Variants in ST8SIA1 observed in about 807,000 individuals in gnomAD.
ST8SIA1 encodes the protein alpha-N-acetylneuraminide alpha-2,8-sialyltransferase.
A neutral mutation model predicts 35.9 loss-of-function variants in ST8SIA1; 16 were observed. That is an observed-to-expected ratio of 0.45 (90% CI 0.30 to 0.68). ST8SIA1 has a LOEUF of 0.68. Among genes scored for constraint, ST8SIA1 ranks in the 30% least tolerant of loss-of-function variants. ST8SIA1 has a pLI of 0.09. For synonymous variants in ST8SIA1, 170 were observed against 169.6 expected, an observed-to-expected ratio of 1.00 and a Z score of -0.02; for missense variants, 383 against 453.6, an observed-to-expected ratio of 0.84 and a Z score of 1.41.
At chr12:22,325,713 T>C in intron 1 of ST8SIA1, 3 of 615,812 alleles carry the variant, frequency 4.9e-6, no homozygotes, top group Non-Finnish European at 8.6e-6. Flanking sequence ...TACATGCCTA[T>C]GATAAAATTT....
At chr12:22,248,970 C>T (rs760640935) in intron 4 of ST8SIA1, 36 bp downstream of exon 4, 2 of 1,495,590 alleles carry the variant, frequency 1.3e-6, no homozygotes, top group Non-Finnish European at 1.9e-6. Flanking sequence ...AAGACTTCAT[C>T]TTCGTTCGTC....
chr12:22,229,810 T>A (rs568760103), intron 4 of ST8SIA1, among the ~76,000 whole-genome samples: 43 of 152,174 alleles, frequency 2.8e-4, no homozygotes, highest in African/African-American at 9.6e-4. Context: ...GACACATAGC[T>A]GTCTGAAGCA....
intron 4 of ST8SIA1, among the ~76,000 whole-genome samples, chr12:22,247,188 T>C (rs1865616424): frequency 6.6e-6 from 1 of 151,878 alleles, no homozygotes; most frequent in Non-Finnish European, 1.5e-5. Flanking sequence ...ACATTCTTTT[T>C]CACATTCCTT....
intron 1 of ST8SIA1, among the ~76,000 whole-genome samples, chr12:22,304,053 G>C (rs547004127): frequency 8.0e-4 from 122 of 152,262 alleles, no homozygotes; most frequent in Middle Eastern, 3.4e-3. Context: ...CATAGCTAAG[G>C]GTTCTGCCAT....
chr12:22,291,040 T>C (rs143723584), intron 1 of ST8SIA1, among the ~76,000 whole-genome samples: 3 of 152,342 alleles, frequency 2.0e-5, no homozygotes, highest in African/African-American at 7.2e-5. Context: ...AATGACGCTA[T>C]AACCGCAACA....
chr12:22,299,228 C>T (rs1866287205), intron 1 of ST8SIA1, among the ~76,000 whole-genome samples: 1 of 151,764 alleles, frequency 6.6e-6, no homozygotes, highest in Admixed American at 6.6e-5. Flanking sequence ...AAAAAAGTGT[C>T]CTTTTTAAAG....
intron 4 of ST8SIA1, among the ~76,000 whole-genome samples, chr12:22,217,228 T>C (rs1421575266): frequency 3.3e-5 from 5 of 152,204 alleles, no homozygotes; most frequent in Non-Finnish European, 7.3e-5. Context: ...CCTTTTGAAC[T>C]TCTCAGAAGA....
chr12:22,267,302 A>T (rs1591839396), intron 2 of ST8SIA1, among the ~76,000 whole-genome samples: 2 of 151,960 alleles, frequency 1.3e-5, no homozygotes, highest in East Asian at 3.9e-4. Context: ...CAGGACCAGG[A>T]TCAATTGCCT....
At chr12:22,264,345 T>A (rs1865823435) in intron 2 of ST8SIA1, among the ~76,000 whole-genome samples, 1 of 152,154 alleles carries the variant, frequency 6.6e-6, no homozygotes, top group Admixed American at 6.6e-5. Flanking sequence ...CATCTCTTTA[T>A]CCCTGTACCC....
intron 4 of ST8SIA1, among the ~76,000 whole-genome samples, chr12:22,206,453 C>T (rs754772692): frequency 1.3e-5 from 2 of 152,116 alleles, no homozygotes; most frequent in Non-Finnish European, 2.9e-5. Context: ...AATCCTGCAC[C>T]GATCAATTAT....
At chr12:22,308,564 T>C (rs1021222978) in intron 1 of ST8SIA1, among the ~76,000 whole-genome samples, 3 of 152,230 alleles carry the variant, frequency 2.0e-5, no homozygotes, top group African/African-American at 7.2e-5. Context: ...CTTCAAGATA[T>C]GATAAAATCT....
At chr12:22,210,153 A>T (rs991650401) in intron 4 of ST8SIA1, among the ~76,000 whole-genome samples, 1 of 152,246 alleles carries the variant, frequency 6.6e-6, no homozygotes, top group African/African-American at 2.4e-5. Flanking sequence ...GACAAATGTT[A>T]TATAGAAACA....
At chr12:22,283,532 C>T (rs551667079) in intron 2 of ST8SIA1, among the ~76,000 whole-genome samples, 1 of 152,176 alleles carries the variant, frequency 6.6e-6, no homozygotes, top group South Asian at 2.1e-4. Context: ...CTGATACCAT[C>T]ACACCGTCCT....
Position 22,201,564 on chromosome 12 carries a change from C to A in ST8SIA1, c.1059G>T (p.Gln353His). ...TCTTCCATTGTTCCTAGGAAGTGGGCTGGAGTGAGGTATCTTCACATGGGT... is the reference window on the plus strand; with the variant it reads ...TCTTCCATTGTTCCTAGGAAGTGGGATGGAGTGAGGTATCTTCACATGGGT... Reference protein sequence around the residue: ...QLDPCEDTSLQPTS With the variant: ...QLDPCEDTSLHPTS The change falls in exon 5 of 5, where the codon CAG becomes CAT. Residue 353 changes from glutamine to histidine, a missense_variant. Coordinates refer to ENST00000396037, the MANE Select transcript of ST8SIA1 (RefSeq NM_003034.4). The A allele has an allele frequency of 1.2e-6, 2 of 1,607,428 alleles. No individual in the cohort carries two copies. Among genetic ancestry groups the A allele is most frequent in the South Asian group, 1.1e-5 (1 of 89,578 alleles).
chr12:22,201,977 T>C lies in ST8SIA1; in HGVS notation c.646A>G (p.Ser216Gly), dbSNP rs775410777. The C allele has an allele frequency of 6.2e-7, 1 of 1,613,864 alleles. No individual in the cohort carries two copies. The highest frequency in any genetic ancestry group is 1.3e-5 in the African/African-American group (1 of 75,010). ...GAAAAGGCAGGCATGTAGATGTAAC[T>C]GTGGTTATAAATTTTCATGTTGTCC... ...FVDNMKIYNH[S>G]YIYMPAFSMK... Residue 216 changes from serine (S) to glycine (G), a missense_variant, in exon 5 of 5, where the codon AGT becomes GGT. Ser to Gly is a moderately conservative substitution (Grantham distance 56). Coordinates refer to ENST00000396037, the MANE Select transcript of ST8SIA1 (RefSeq NM_003034.4).
At chr12:22,241,035 A>T (rs1865534991) in intron 4 of ST8SIA1, among the ~76,000 whole-genome samples, 1 of 148,708 alleles carries the variant, frequency 6.7e-6, no homozygotes, top group Non-Finnish European at 1.5e-5. Context: ...CAAGACTGCA[A>T]TCATGGCTAA....
Position 22,223,565 on chromosome 12 carries a change from CA to C in ST8SIA1, c.585-21528del, listed in dbSNP as rs985696769. 3.5e-5 allele frequency: 37 copies of C among 1,048,314 alleles called. No homozygotes were observed. The African/African-American group carries it at 5.5e-4, about 16-fold the overall frequency. 64.9% of individuals were successfully genotyped at this position (1,048,314 alleles called of 1,614,324 possible). On this transcript the variant is annotated intron_variant, in intron 4 of 4. Transcript: ENST00000396037. ...TGGGTTAAATGAGGAGACAGGGGCCCATTTTTCAAGCCAGATTCTGATTCAA... is the reference window on the plus strand; with the variant it reads ...TGGGTTAAATGAGGAGACAGGGGCCCTTTTTCAAGCCAGATTCTGATTCAA...
chr12:22,274,408 G>C (rs1404376482), intron 2 of ST8SIA1, among the ~76,000 whole-genome samples: 2 of 152,184 alleles, frequency 1.3e-5, no homozygotes, highest in Admixed American at 6.5e-5. Flanking sequence ...TTTGAAATGA[G>C]ATGGTAAAGA....
In ST8SIA1 at chr12:22,201,486, C is replaced by T. The variant is rs958155807; in HGVS notation, c.*66G>A. ...ACTCATGAAACAACTTGACCATTCC[C>T]TCTTGGAGTCACATAGAAAACCTAA... is the stretch of plus-strand genomic sequence containing the variant. On this transcript the variant is annotated 3_prime_UTR_variant, in exon 5 of 5. Transcript: ENST00000396037. 6.6e-6 allele frequency: 10 copies of T among 1,523,628 alleles called. No individual in the cohort carries two copies. The African/African-American group carries it at 1.3e-4, about 19-fold the overall frequency. 94.4% of individuals were successfully genotyped at this position (1,523,628 alleles called of 1,614,324 possible).
Sources: gnomAD v4.1 joint callset for allele counts (sites outside exome capture counted in the v4.1 genomes callset) on GRCh38, gnomAD v4.1.1 for gene constraint, MANE v1.5 for transcripts, NCBI Gene and HGNC (gene_info 2026-07-23, HGNC 2026-07-21) for gene names.